The following RIMS2 variants were observed in gnomAD, a reference collection of about 807,000 sequenced individuals.
The protein encoded by RIMS2 is regulating synaptic membrane exocytosis 2.
RIMS2 carries 59 observed loss-of-function variants against 174.4 expected under a neutral mutation model. That is an observed-to-expected ratio of 0.34 (90% CI 0.27 to 0.42). RIMS2 has a LOEUF of 0.42. RIMS2 is among the 10% of genes least tolerant of loss of function. RIMS2 has a pLI of 1.00. For missense variants in RIMS2, 1,620 were observed against 1,666.3 expected, an observed-to-expected ratio of 0.97 and a Z score of 0.48; for synonymous variants, 606 against 572.5, an observed-to-expected ratio of 1.06 and a Z score of -0.84.
At chr8:104,119,609 G>A (rs1035345460) in intron 19 of RIMS2, among the ~76,000 whole-genome samples, 1 of 152,022 alleles carries the variant, frequency 6.6e-6, no homozygotes, top group African/African-American at 2.4e-5. Flanking sequence ...ATTTACTTTT[G>A]TTTACTTTTA....
exon 13 of RIMS2, chr8:103,936,614 A>T: frequency 1.2e-6 from 2 of 1,610,302 alleles, no homozygotes; most frequent in Non-Finnish European, 1.7e-6. Context: ...GGAACCAAAC[A>T]TTCATTTATT....
intron 1 of RIMS2, among the ~76,000 whole-genome samples, chr8:103,564,569 AC>A (rs2092091825): frequency 6.6e-6 from 1 of 152,160 alleles, no homozygotes; most frequent in South Asian, 2.1e-4. Context: ...CTGGCAAACC[AC>A]TGGTGTAAGT....
intron 19 of RIMS2, among the ~76,000 whole-genome samples, chr8:104,055,303 T>G (rs2096850867): frequency 6.6e-6 from 1 of 152,132 alleles, no homozygotes; most frequent in Admixed American, 6.6e-5. Context: ...TGGAATACAG[T>G]GATATTTGAT....
chr8:104,249,617 T>C, intron 22 of RIMS2, 29 bp downstream of exon 28: 1 of 1,238,778 alleles, frequency 8.1e-7, no homozygotes, highest in South Asian at 1.2e-5. Flanking sequence ...TTTCTATTAT[T>C]GTCCATAATC....
chr8:104,249,584 GC>G lies in RIMS2; in HGVS notation c.3689del (p.Pro1230GlnfsTer5). ...TTGTAAAACCAGGTTCCAAGACACT[GC>G]CAGGTAAAAACAAAAGAGATTTTTC... On this transcript the variant is annotated frameshift_variant, in exon 22 of 24. Coordinates refer to ENST00000504942, the Ensembl canonical transcript of RIMS2. LOFTEE classifies it high-confidence loss of function. 6.4e-7 allele frequency: 1 copy of G among 1,565,868 alleles called. No individual in the cohort carries two copies. The highest frequency in any genetic ancestry group is 8.8e-7 in the Non-Finnish European group (1 of 1,136,464).
At chr8:103,983,664 A>G (rs1302010561) in intron 16 of RIMS2, among the ~76,000 whole-genome samples, 1 of 152,218 alleles carries the variant, frequency 6.6e-6, no homozygotes, top group Non-Finnish European at 1.5e-5. Flanking sequence ...GGTCTCTTCA[A>G]TAAATCGTGC....
In RIMS2 at chr8:104,164,047, G is replaced by A. The variant is rs180830121; in HGVS notation, c.3335-80869G>A. On this transcript the variant is annotated intron_variant, in intron 19 of 23. Coordinates refer to ENST00000504942, the Ensembl canonical transcript of RIMS2. ...AATCCTCCTTTCCAAAGGAAATATC[G>A]TAGCCCAAAGGTAGGGGAACAGCGG... 1.8e-4 allele frequency among the ~76,000 whole-genome samples: 27 copies of A among 152,116 alleles called. No individual in the cohort carries two copies. In the East Asian group the frequency reaches 4.6e-3, roughly 26 times the overall value.
intron 1 of RIMS2, among the ~76,000 whole-genome samples, chr8:103,679,537 A>T (rs2096854188): frequency 6.6e-6 from 1 of 151,996 alleles, no homozygotes; most frequent in Admixed American, 6.6e-5. Context: ...ATAGGTAAAC[A>T]ACAACAACAA....
At chr8:103,752,986 TGAGA>T (rs941121826) in intron 2 of RIMS2, among the ~76,000 whole-genome samples, 3 of 151,924 alleles carry the variant, frequency 2.0e-5, no homozygotes, top group African/African-American at 7.2e-5. Context: ...ATAGGAGTGG[TGAGA>T]GAGGGCATCC....
At chr8:103,586,359 T>C (rs1184277550) in intron 1 of RIMS2, among the ~76,000 whole-genome samples, 1 of 152,166 alleles carries the variant, frequency 6.6e-6, no homozygotes, top group Non-Finnish European at 1.5e-5. Context: ...ACAAAACAAG[T>C]CTGAAAACAT....
intron 4 of RIMS2, among the ~76,000 whole-genome samples, chr8:103,888,928 T>C (rs1341030879): frequency 2.6e-5 from 4 of 151,652 alleles, no homozygotes; most frequent in Non-Finnish European, 4.4e-5. Flanking sequence ...AACTACACTT[T>C]AATTTGAATT....
intron 2 of RIMS2, among the ~76,000 whole-genome samples, chr8:103,735,660 T>C (rs2097676119): frequency 6.6e-6 from 1 of 152,198 alleles, no homozygotes; most frequent in African/African-American, 2.4e-5. Context: ...TTTAAATTTT[T>C]CTCCTAAGTG....
intron 1 of RIMS2, among the ~76,000 whole-genome samples, chr8:103,509,162 G>A (rs572328914): frequency 6.6e-6 from 1 of 152,092 alleles, no homozygotes; most frequent in South Asian, 2.1e-4. Flanking sequence ...AGAAAAGAAA[G>A]GACAAAGAAC....
At chr8:103,992,396 G>A (rs1201876166) in intron 17 of RIMS2, among the ~76,000 whole-genome samples, 1 of 151,258 alleles carries the variant, frequency 6.6e-6, no homozygotes, top group East Asian at 1.9e-4. Context: ...AAAGTGCTGG[G>A]ATTACAGGCA....
chr8:103,993,875 A>C (rs73295538), intron 17 of RIMS2, among the ~76,000 whole-genome samples: 4,623 of 151,834 alleles, frequency 0.03, 211 homozygotes, highest in African/African-American at 0.1. Context: ...AACACACACA[A>C]AAAATAAAAA....
intron 1 of RIMS2, among the ~76,000 whole-genome samples, chr8:103,554,180 A>C (rs2094585260): frequency 6.6e-6 from 1 of 152,180 alleles, no homozygotes; most frequent in Non-Finnish European, 1.5e-5. Context: ...AATTGCAAAA[A>C]AAATGCACCT....
At chr8:103,677,212 G>T (rs898922342) in intron 1 of RIMS2, among the ~76,000 whole-genome samples, 1 of 151,816 alleles carries the variant, frequency 6.6e-6, no homozygotes, top group African/African-American at 2.4e-5. Context: ...TCTCAGATCC[G>T]CTTGATCAAC....
intron 1 of RIMS2, among the ~76,000 whole-genome samples, chr8:103,563,970 C>A (rs189026155): frequency 6.6e-6 from 1 of 152,276 alleles, no homozygotes; most frequent in Non-Finnish European, 1.5e-5. Flanking sequence ...CCTCATGATT[C>A]AATTACCTTT....
intron 14 of RIMS2, among the ~76,000 whole-genome samples, chr8:103,950,927 T>C (rs1251291537): frequency 2.0e-5 from 3 of 152,274 alleles, no homozygotes; most frequent in African/African-American, 7.2e-5. Flanking sequence ...TTACTGGATA[T>C]AAGATCAAGA....
Sources: gnomAD v4.1 joint callset for allele counts (sites outside exome capture counted in the v4.1 genomes callset) on GRCh38, gnomAD v4.1.1 for gene constraint, MANE v1.5 for transcripts, NCBI Gene and HGNC (gene_info 2026-07-23, HGNC 2026-07-21) for gene names.